LRATD1: variants seen among roughly 807,000 people sequenced by gnomAD.
LRATD1 encodes protein LRATD1.
In LRATD1, 8 loss-of-function variants were observed where a neutral mutation model predicts 21.3. That is an observed-to-expected ratio of 0.38 (90% confidence interval 0.22 to 0.68). The LOEUF (loss-of-function observed/expected upper bound fraction) is 0.68, where lower values mean the gene tolerates loss of function less well. LRATD1 is among the 30% of genes least tolerant of loss of function. The pLI is 0.54. For synonymous variants in LRATD1, 210 were observed against 186.2 expected, an observed-to-expected ratio of 1.13 and a Z score of -1.04; for missense variants, 380 against 404.0, an observed-to-expected ratio of 0.94 and a Z score of 0.51.
At chr2:14,640,673 T>C (rs750709000), downstream of LRATD1, among the ~76,000 whole-genome samples, 4 of 152,220 alleles carry the variant, frequency 2.6e-5, no homozygotes, top group South Asian at 2.1e-4. Flanking sequence ...TATTCTAAAT[T>C]CAGTTATTTT....
chr2:14,646,223 G>A (rs1233701202), intron 3 of LRATD1: 1 of 152,116 alleles, frequency 6.6e-6, no homozygotes, highest in East Asian at 1.9e-4. Flanking sequence ...TAGAGAGGTA[G>A]GTATCAGGGT....
rs371163566 is a variant in LRATD1, at chr2:14,633,687, T to A, written c.-36-257T>A. On this transcript the variant is annotated intron_variant, in intron 1 of 1. Coordinates refer to ENST00000295092, the MANE Select transcript of LRATD1 (RefSeq NM_145175.4). The surrounding 1 kb of genome is among the most constrained non-coding windows in gnomAD (Gnocchi z 7.5). ...CAAGCTCTCCAGCCAGCCTGGGTGT[T>A]TTCTTCTGGGAGTTGGACCGAGTTC... 1.5e-4 allele frequency: 59 copies of A among 390,258 alleles called. 1 individual carries two copies. The East Asian group carries it at 2.2e-3, about 15-fold the overall frequency. 24.2% of individuals were successfully genotyped at this position (390,258 alleles called of 1,614,324 possible).
Position 14,649,457 on chromosome 2 carries a change from A to G in LRATD1, n.574+4A>G, listed in dbSNP as rs1671963878. The stretch of plus-strand genomic sequence containing the variant: ...ATATCCTCCCTCCTGTTGCCAGGTA[A>G]GGTGAGAAGCAATTCCTCTGCCTAG... On this transcript the variant is annotated splice_donor_region_variant and intron_variant and non_coding_transcript_variant, in intron 5 of 5. Coordinates refer to the LRATD1 transcript ENST00000464947. 2.8e-4 allele frequency: 123 copies of G among 438,828 alleles called. 1 individual carries two copies. The highest frequency in any genetic ancestry group is 1.9e-3 in the South Asian group (120 of 62,212). The allele number at this position is 438,828 out of a possible 1,614,324, so 27.2% of individuals were successfully genotyped here. A position where few individuals can be genotyped will look rare whatever the true frequency, so the allele number is the denominator to read the frequency against.
rs550490053 is a variant in LRATD1, at chr2:14,633,238, C to T, written c.-37+301C>T. On this transcript the variant is annotated intron_variant, in intron 1 of 1. Transcript: ENST00000295092. The surrounding 1 kb of genome is among the most constrained non-coding windows in gnomAD (Gnocchi z 7.5). ...ACCTGCCTGTGAGGGCAGGTGTGCC[C>T]GGGTGCTTGGGCGTACGTGCAACGG... Among the ~76,000 whole-genome samples, 3 of 152,264 alleles carry T rather than the reference C, an allele frequency of 2.0e-5. No individual in the cohort carries two copies. The South Asian group carries it at 6.2e-4, about 32-fold the overall frequency.
chr2:14,646,407 CAG>C (rs1671895421), exon 4 of LRATD1: 1 of 152,130 alleles, frequency 6.6e-6, no homozygotes, highest in African/African-American at 2.4e-5. Context: ...ACTTTAGAAA[CAG>C]AGGTGCATCT....
At chr2:14,643,448 A>T (rs557270387), downstream of LRATD1, among the ~76,000 whole-genome samples, 1 of 152,206 alleles carries the variant, frequency 6.6e-6, no homozygotes, top group African/African-American at 2.4e-5. Context: ...CCCTCCTCCA[A>T]CCTCAACACC....
At position 14,633,947 on chromosome 2, in the gene LRATD1, C is replaced by T. The variant is rs1282426806; in HGVS notation, c.-33C>T. 6.3e-7 allele frequency: 1 copy of T among 1,591,990 alleles called. No individual in the cohort carries two copies. Among genetic ancestry groups the T allele is most frequent in the Non-Finnish European group, 8.6e-7 (1 of 1,166,008 alleles). On this transcript the variant is annotated 5_prime_UTR_variant, in exon 2 of 2. Transcript: ENST00000295092. The surrounding 1 kb of genome is among the most constrained non-coding windows in gnomAD (Gnocchi z 7.5). ...CTGCCTCTCTGTGCCTCCGCAGATC[C>T]CCGCTCCTGGCCCTCGCCTCGCCAC...
At position 14,638,866 on chromosome 2, in the gene LRATD1, T is replaced by A. The variant is rs889934376; in HGVS notation, c.*4008T>A. Reference sequence around the variant, plus strand: ...GTAGGTGAAAAGACAGGCTTTTGGGTTTCTTGAAACATCAAAAACTGAATT... The same window carrying A: ...GTAGGTGAAAAGACAGGCTTTTGGGATTCTTGAAACATCAAAAACTGAATT... On this transcript the variant is annotated 3_prime_UTR_variant, in exon 2 of 2. Coordinates refer to ENST00000295092, the MANE Select transcript of LRATD1 (RefSeq NM_145175.4). 8 of 167,042 alleles carry A rather than the reference T, an allele frequency of 4.8e-5. No homozygotes were observed. Among genetic ancestry groups the A allele is most frequent in the Admixed American group, 6.5e-5 (1 of 15,292 alleles). The allele number at this position is 167,042 out of a possible 1,614,324, so 10.3% of individuals were successfully genotyped here. A position where few individuals can be genotyped will look rare whatever the true frequency, so the allele number is the denominator to read the frequency against.
Position 14,634,593 on chromosome 2 carries a change from A to T in LRATD1, c.614A>T (p.Glu205Val). The T allele has an allele frequency of 6.7e-7, 1 of 1,503,612 alleles. No individual in the cohort carries two copies. The highest frequency in any genetic ancestry group is 1.4e-5 in the African/African-American group (1 of 71,596). The allele number at this position is 1,503,612 out of a possible 1,614,324, so 93.1% of individuals were successfully genotyped here. A position where few individuals can be genotyped will look rare whatever the true frequency, so the allele number is the denominator to read the frequency against. ...TGCGGCCACCTGGGCCTCAAGAGCG[A>T]GGAGATCTGCTGGACGAACTCGGAG... ...NACGHLGLKS[E>V]EICWTNSESF... Residue 205 changes from glutamate to valine, a missense_variant, in exon 2 of 2, where the codon GAG becomes GTG. Coordinates refer to ENST00000295092, the MANE Select transcript of LRATD1 (RefSeq NM_145175.4).
chr2:14,647,659 G>T (rs573754458), intron 4 of LRATD1, among the ~76,000 whole-genome samples: 1 of 151,992 alleles, frequency 6.6e-6, no homozygotes, highest in Non-Finnish European at 1.5e-5. Flanking sequence ...GCCATGTGAG[G>T]ATACAATGAG....
At position 14,633,821 on chromosome 2, in the gene LRATD1, T is replaced by G. The variant is rs948953018; in HGVS notation, c.-36-123T>G. 1 of 972,046 alleles carries G rather than the reference T, an allele frequency of 1.0e-6. No homozygotes were observed. The allele number at this position is 972,046 out of a possible 1,614,324, so 60.2% of individuals were successfully genotyped here. A position where few individuals can be genotyped will look rare whatever the true frequency, so the allele number is the denominator to read the frequency against. On this transcript the variant is annotated intron_variant, in intron 1 of 1. Transcript: ENST00000295092. This position sits in a 1 kb window ranked among gnomAD's most constrained non-coding sequence, Gnocchi z 7.5. ...GCACGGAGGACTCGGCTGGAAAGGGTGACTCCGGTGAGGGCACGTAAGCTA... is the reference window on the plus strand; with the variant it reads ...GCACGGAGGACTCGGCTGGAAAGGGGGACTCCGGTGAGGGCACGTAAGCTA...
At chr2:14,640,535 T>C (rs998495413), downstream of LRATD1, among the ~76,000 whole-genome samples, 1 of 152,244 alleles carries the variant, frequency 6.6e-6, no homozygotes, top group African/African-American at 2.4e-5. Flanking sequence ...AAAAAGATCA[T>C]ATAAGGCTAT....
Position 14,633,818 on chromosome 2 carries a change from G to A in LRATD1, c.-36-126G>A. ...GAGGCACGGAGGACTCGGCTGGAAA[G>A]GGTGACTCCGGTGAGGGCACGTAAG... is the stretch of plus-strand genomic sequence containing the variant. On this transcript the variant is annotated intron_variant, in intron 1 of 1. Coordinates refer to ENST00000295092, the MANE Select transcript of LRATD1 (RefSeq NM_145175.4). This position sits in a 1 kb window ranked among gnomAD's most constrained non-coding sequence, Gnocchi z 7.5. The A allele has an allele frequency of 1.1e-6, 1 of 946,568 alleles. No individual in the cohort carries two copies. The highest frequency in any genetic ancestry group is 1.6e-6 in the Non-Finnish European group (1 of 642,754). The allele number at this position is 946,568 out of a possible 1,614,324, so 58.6% of individuals were successfully genotyped here.
rs763635985 is a variant in LRATD1 at position 14,634,229 on chromosome 2, A to C, written c.250A>C (p.Thr84Pro). ...GCTGCACCAGCTGGTCCTCAACGAG[A>C]CTCAGTTTTCCGCCTTTCGGGGCCA... ...HLLHQLVLNE[T>P]QFSAFRGQEC... is the part of the protein sequence containing the mutation. The change falls in exon 2 of 2, where the codon ACT (threonine) becomes CCT (proline). Residue 84 changes from threonine (T) to proline (P), a missense_variant. Thr to Pro is a conservative substitution (Grantham distance 38). Transcript: ENST00000295092. 6.2e-7 allele frequency: 1 copy of C among 1,612,538 alleles called. No homozygotes were observed. The highest frequency in any genetic ancestry group is 8.5e-7 in the Non-Finnish European group (1 of 1,179,870).
chr2:14,651,773 A>G (rs912142083), downstream of LRATD1, among the ~76,000 whole-genome samples: 2 of 151,802 alleles, frequency 1.3e-5, no homozygotes, highest in African/African-American at 2.4e-5. Context: ...TTAATAATGT[A>G]TTTTATATTT....
rs187625512 is a variant in LRATD1, at chr2:14,638,248, G to A, written c.*3390G>A. 458 of 160,138 alleles carry A rather than the reference G, an allele frequency of 2.9e-3. 6 individuals carry two copies. The highest frequency in any genetic ancestry group is 9.1e-3 in the African/African-American group (354 of 38,848). The allele number at this position is 160,138 out of a possible 1,614,324, so 9.9% of individuals were successfully genotyped here. ...AAAAAAAAAAAACTATAGAATTTAC[G>A]TATGTTACATTTTTAAGTATGAGTT... On this transcript the variant is annotated 3_prime_UTR_variant, in exon 2 of 2. Coordinates refer to ENST00000295092, the MANE Select transcript of LRATD1 (RefSeq NM_145175.4).
intron 4 of LRATD1, among the ~76,000 whole-genome samples, chr2:14,648,271 C>T (rs2103414530): frequency 6.6e-6 from 1 of 152,222 alleles, no homozygotes; most frequent in African/African-American, 2.4e-5. Context: ...AGTTCTCAAC[C>T]TTCTTGGTCT....
Position 14,635,848 on chromosome 2 carries a change from A to G in LRATD1, c.*990A>G. The G allele has an allele frequency of 2.7e-6, 1 of 368,592 alleles. No individual in the cohort carries two copies. Among genetic ancestry groups the G allele is most frequent in the South Asian group, 2.1e-5 (1 of 47,550 alleles). The allele number at this position is 368,592 out of a possible 1,614,324, so 22.8% of individuals were successfully genotyped here. A position where few individuals can be genotyped will look rare whatever the true frequency, so the allele number is the denominator to read the frequency against. On this transcript the variant is annotated 3_prime_UTR_variant, in exon 2 of 2. Transcript: ENST00000295092. Reference sequence around the variant, plus strand: ...CACCATTCCAGAAACCAGCATTGTTACAACACCATAGCCAGTATATTTAGT... The same window carrying G: ...CACCATTCCAGAAACCAGCATTGTTGCAACACCATAGCCAGTATATTTAGT...
Position 14,637,099 on chromosome 2 carries a change from C to T in LRATD1, c.*2241C>T, listed in dbSNP as rs1671705352. 6.0e-6 allele frequency: 1 copy of T among 167,116 alleles called. No individual in the cohort carries two copies. 10.4% of individuals were successfully genotyped at this position (167,116 alleles called of 1,614,324 possible). A position where few individuals can be genotyped will look rare whatever the true frequency, so the allele number is the denominator to read the frequency against. ...TCATTTATTTCCCTAACTTACTCCTCTTTCAAGTAACAGGTGGCAGATCAT... is the reference window on the plus strand; with the variant it reads ...TCATTTATTTCCCTAACTTACTCCTTTTTCAAGTAACAGGTGGCAGATCAT... On this transcript the variant is annotated 3_prime_UTR_variant, in exon 2 of 2. Coordinates refer to ENST00000295092, the MANE Select transcript of LRATD1 (RefSeq NM_145175.4).
Sources: gnomAD v4.1 joint callset for allele counts (sites outside exome capture counted in the v4.1 genomes callset) on GRCh38, gnomAD v4.1.1 for gene constraint, Gnocchi (gnomAD v3.1) non-coding constraint, MANE v1.5 for transcripts, NCBI Gene and HGNC (gene_info 2026-07-23, HGNC 2026-07-21) for gene names.